CPN1: variants seen among roughly 807,000 people sequenced by gnomAD.
CPN1 encodes the protein carboxypeptidase N catalytic chain.
Under a neutral mutation model 46.4 loss-of-function variants are expected in CPN1, and 37 were observed. That is an observed-to-expected ratio of 0.80 (90% CI 0.61 to 1.05). CPN1 has a LOEUF of 1.05. Among genes scored for constraint, CPN1 ranks in the 50% least tolerant of loss-of-function variants. The probability of loss-of-function intolerance (pLI) is 0.00; values close to 1 mark genes in which losing one functional copy is unlikely to be tolerated. For synonymous variants in CPN1, 224 were observed against 235.4 expected, an observed-to-expected ratio of 0.95 and a Z score of 0.44; for missense variants, 563 against 602.6, an observed-to-expected ratio of 0.93 and a Z score of 0.69.
chr10:100,080,186 G>A (rs963713242), intron 1 of CPN1, among the ~76,000 whole-genome samples: 3 of 152,124 alleles, frequency 2.0e-5, no homozygotes, highest in South Asian at 4.1e-4. Context: ...ATGTGGAAGC[G>A]AAGAGGTAAA....
intron 8 of CPN1, 40 bp downstream of exon 8, chr10:100,048,718 G>T: frequency 7.3e-7 from 1 of 1,367,398 alleles, no homozygotes; most frequent in Non-Finnish European, 1.0e-6. Context: ...GACTGTATAA[G>T]TGATCTCTAC....
chr10:100,075,288 C>T (rs2041507647), intron 2 of CPN1, among the ~76,000 whole-genome samples: 1 of 151,966 alleles, frequency 6.6e-6, no homozygotes, highest in African/African-American at 2.4e-5. Context: ...AGACTCTATC[C>T]CAAAAAAAGA....
chr10:100,056,893 G>A (rs538901676), intron 6 of CPN1, 120 bp downstream of exon 6: 42 of 1,206,878 alleles, frequency 3.5e-5, no homozygotes, highest in Middle Eastern at 2.2e-4. Context: ...GGAAGAAGAC[G>A]CCCAGATCTA....
At chr10:100,066,615 T>G (rs1208892931) in intron 3 of CPN1, among the ~76,000 whole-genome samples, 2 of 152,234 alleles carry the variant, frequency 1.3e-5, no homozygotes, top group African/African-American at 4.8e-5. Flanking sequence ...AAAGAAAGCC[T>G]TGAATCCACT....
At chr10:100,069,081 A>G (rs1348309279) in intron 3 of CPN1, among the ~76,000 whole-genome samples, 1 of 152,248 alleles carries the variant, frequency 6.6e-6, no homozygotes, top group Non-Finnish European at 1.5e-5. Context: ...TGCATTTCAC[A>G]TGATGTCATG....
intron 5 of CPN1, among the ~76,000 whole-genome samples, chr10:100,060,436 C>A (rs1375302376): frequency 6.6e-6 from 1 of 152,034 alleles, no homozygotes; most frequent in Non-Finnish European, 1.5e-5. Context: ...GTGGCAGGTC[C>A]CTGTAGTCCC....
At chr10:100,065,454 G>A in intron 3 of CPN1, 84 bp from the exon 4 acceptor site, 2 of 1,429,860 alleles carry the variant, frequency 1.4e-6, no homozygotes, top group South Asian at 1.2e-5. Flanking sequence ...GTCAGGAAGT[G>A]GCCTGAGGAG....
At chr10:100,070,012 T>A in intron 2 of CPN1, 143 bp from the exon 3 acceptor site, 1 of 900,990 alleles carries the variant, frequency 1.1e-6, no homozygotes, top group Non-Finnish European at 1.8e-6. Flanking sequence ...AACCTCTACC[T>A]ACTGGGCTCA....
intron 7 of CPN1, among the ~76,000 whole-genome samples, chr10:100,052,272 T>C (rs985129486): frequency 6.6e-6 from 1 of 152,072 alleles, no homozygotes; most frequent in African/African-American, 2.4e-5. Flanking sequence ...GGTTTCACCA[T>C]GTTGCCTAGG....
intron 5 of CPN1, among the ~76,000 whole-genome samples, chr10:100,058,948 T>C (rs190340173): frequency 1.1e-4 from 16 of 152,276 alleles, no homozygotes; most frequent in Admixed American, 6.5e-5. Context: ...AGGACAGTCA[T>C]GTCAACAAAT....
chr10:100,061,619 G>T (rs906490000), intron 5 of CPN1, among the ~76,000 whole-genome samples: 1 of 152,130 alleles, frequency 6.6e-6, no homozygotes, highest in African/African-American at 2.4e-5. Context: ...AATGACTTTG[G>T]AATTGTACCA....
intron 7 of CPN1, among the ~76,000 whole-genome samples, chr10:100,052,101 C>T (rs527538072): frequency 6.7e-6 from 1 of 148,600 alleles, no homozygotes; most frequent in East Asian, 2.0e-4. Context: ...GACAGAGTCT[C>T]ACTCTGTCAC....
chr10:100,080,937 C>T (rs1372376156), intron 1 of CPN1, among the ~76,000 whole-genome samples: 3 of 152,090 alleles, frequency 2.0e-5, no homozygotes, highest in Non-Finnish European at 4.4e-5. Flanking sequence ...AAAACTGACA[C>T]CCAAGTCCCC....
At position 100,081,650 on chromosome 10, in the gene CPN1, C is replaced by T; in HGVS notation, c.-25G>A. 1 of 1,601,268 alleles carries T rather than the reference C, an allele frequency of 6.2e-7. No homozygotes were observed. Among genetic ancestry groups the T allele is most frequent in the Non-Finnish European group, 8.6e-7 (1 of 1,169,432 alleles). On this transcript the variant is annotated 5_prime_UTR_variant, in exon 1 of 9. Coordinates refer to ENST00000370418, the MANE Select transcript of CPN1 (RefSeq NM_001308.3). ...TCTTGCTGGGCTTTTTCAAAGAGAG[C>T]CACTGAAACGCGCCCCACCTCCTTA...
At chr10:100,062,208 C>T (rs1365304003) in intron 5 of CPN1, among the ~76,000 whole-genome samples, 1 of 152,104 alleles carries the variant, frequency 6.6e-6, no homozygotes, top group African/African-American at 2.4e-5. Context: ...AACTCAGCTT[C>T]TTGCTCCAGA....
intron 1 of CPN1, among the ~76,000 whole-genome samples, chr10:100,079,077 C>T (rs2041530369): frequency 1.3e-5 from 2 of 152,252 alleles, no homozygotes; most frequent in Admixed American, 6.5e-5. Context: ...CTGTTCAAAG[C>T]CACCTCAGTG....
rs1473428036 is a variant in CPN1 at position 100,058,915 on chromosome 10, T to C, written c.872-1763A>G. On this transcript the variant is annotated intron_variant, in intron 5 of 8. Coordinates refer to ENST00000370418, the MANE Select transcript of CPN1 (RefSeq NM_001308.3). Reference sequence around the variant, plus strand: ...ATGGTCAAAGCAATTTTGACAAGAATGCCAAGACCATTCAATGGGGAAAGG... The same window carrying C: ...ATGGTCAAAGCAATTTTGACAAGAACGCCAAGACCATTCAATGGGGAAAGG... 2.6e-5 allele frequency among the ~76,000 whole-genome samples: 4 copies of C among 152,242 alleles called. No individual in the cohort carries two copies. The East Asian group carries it at 7.7e-4, about 29-fold the overall frequency.
intron 2 of CPN1, among the ~76,000 whole-genome samples, chr10:100,073,525 A>G (rs1327440717): frequency 6.6e-6 from 1 of 152,104 alleles, no homozygotes; most frequent in African/African-American, 2.4e-5. Context: ...TTTGGAGGTC[A>G]GAAGACTAAA....
At chr10:100,066,751 C>T (rs2041456644) in intron 3 of CPN1, among the ~76,000 whole-genome samples, 1 of 152,236 alleles carries the variant, frequency 6.6e-6, no homozygotes, top group Non-Finnish European at 1.5e-5. Flanking sequence ...GTCAGCTCTA[C>T]AGGCTCCATC....
Sources: gnomAD v4.1 joint callset for allele counts (sites outside exome capture counted in the v4.1 genomes callset) on GRCh38, gnomAD v4.1.1 for gene constraint, MANE v1.5 for transcripts, NCBI Gene and HGNC (gene_info 2026-07-23, HGNC 2026-07-21) for gene names.